MMP26: variants seen among roughly 807,000 people sequenced by gnomAD.
MMP26 encodes the protein matrix metallopeptidase 26, also known as matrix metalloproteinase-26.
MMP26 carries 33 observed loss-of-function variants against 31.0 expected under a neutral mutation model. The observed-to-expected ratio is 1.06, with a 90% confidence interval of 0.81 to 1.42. The LOEUF (loss-of-function observed/expected upper bound fraction) is 1.42. MMP26 is among the 40% of genes most tolerant of loss of function. The pLI is 0.00. For missense variants in MMP26, 347 were observed against 316.1 expected, an observed-to-expected ratio of 1.10 and a Z score of -0.74; for synonymous variants, 122 against 114.9, an observed-to-expected ratio of 1.06 and a Z score of -0.40.
At chr11:4,897,416 GC>G (rs146624165) in intron 2 of MMP26, among the ~76,000 whole-genome samples, 20,652 of 152,180 alleles carry the variant, frequency 0.14, 1,579 homozygotes, top group Middle Eastern at 0.26. Context: ...GGGATTACAG[GC>G]ATAAGCCATC....
chr11:4,961,263 G>A (rs564075088), intron 2 of MMP26, among the ~76,000 whole-genome samples: 3 of 152,154 alleles, frequency 2.0e-5, no homozygotes, highest in Admixed American at 6.5e-5. Flanking sequence ...TTAAATTTCC[G>A]ATGTCCAAGG....
chr11:4,976,957 C>T (rs370548563), intron 2 of MMP26, among the ~76,000 whole-genome samples: 1 of 152,012 alleles, frequency 6.6e-6, no homozygotes, highest in South Asian at 2.1e-4. Context: ...CTTATACATG[C>T]AATTTTTATC....
chr11:4,889,073 C>T lies in MMP26; in HGVS notation c.-144-98995C>T, dbSNP rs1406274291. Among the ~76,000 whole-genome samples, 3 of 152,116 alleles carry T rather than the reference C, an allele frequency of 2.0e-5. No homozygotes were observed. The East Asian group carries it at 5.8e-4, about 29-fold the overall frequency. On this transcript the variant is annotated intron_variant, in intron 2 of 7. Coordinates refer to ENST00000380390, the MANE Select transcript of MMP26 (RefSeq NM_021801.5). Reference sequence around the variant, plus strand: ...GATTTCCGTAACATTCTAAAACTGTCACATACACACTTATCAACATACATG... The same window carrying T: ...GATTTCCGTAACATTCTAAAACTGTTACATACACACTTATCAACATACATG...
intron 2 of MMP26, among the ~76,000 whole-genome samples, chr11:4,857,624 A>C (rs956158817): frequency 1.2e-4 from 18 of 152,316 alleles, no homozygotes; most frequent in African/African-American, 4.1e-4. Context: ...AGAGGGATTC[A>C]CAGCCGAATT....
intron 2 of MMP26, among the ~76,000 whole-genome samples, chr11:4,839,387 C>T (rs1314940598): frequency 1.3e-5 from 2 of 151,658 alleles, no homozygotes; most frequent in South Asian, 2.1e-4. Flanking sequence ...ATCATGCCTT[C>T]CCTAACCCCA....
chr11:4,868,119 A>G (rs1195382988), intron 2 of MMP26, among the ~76,000 whole-genome samples: 2 of 152,160 alleles, frequency 1.3e-5, no homozygotes, highest in Non-Finnish European at 2.9e-5. Flanking sequence ...GGAGGACATT[A>G]TCCTCAGCAA....
At chr11:4,707,762 G>A (rs1011014305) in intron 1 of MMP26, among the ~76,000 whole-genome samples, 1 of 152,146 alleles carries the variant, frequency 6.6e-6, no homozygotes, top group African/African-American at 2.4e-5. Context: ...TTAAGCACTG[G>A]GGTTTATCAC....
At chr11:4,858,709 T>C (rs1281109748) in intron 2 of MMP26, among the ~76,000 whole-genome samples, 1 of 152,118 alleles carries the variant, frequency 6.6e-6, no homozygotes, top group African/African-American at 2.4e-5. Flanking sequence ...CTTCACAAAA[T>C]TGGAAAAAAC....
chr11:4,926,163 AAAT>A (rs1380662532), intron 2 of MMP26, among the ~76,000 whole-genome samples: 4 of 142,688 alleles, frequency 2.8e-5, no homozygotes, highest in Non-Finnish European at 6.3e-5. Flanking sequence ...AATAACAATA[AAAT>A]AATAACAATT....
At chr11:4,848,698 G>A in intron 2 of MMP26, 2 of 1,614,102 alleles carry the variant, frequency 1.2e-6, no homozygotes, top group Non-Finnish European at 1.7e-6. Flanking sequence ...ATGTAGGCCA[G>A]CAGGAATGGC....
At chr11:4,724,097 GTAGGA>G in intron 1 of MMP26, 1 of 639,508 alleles carries the variant, frequency 1.6e-6, no homozygotes, top group Middle Eastern at 3.0e-4. Context: ...GTCCACTCGT[GTAGGA>G]GCGGCTGCTG....
chr11:4,810,102 G>C (rs1036969963), intron 2 of MMP26, among the ~76,000 whole-genome samples: 3 of 152,206 alleles, frequency 2.0e-5, no homozygotes, highest in Admixed American at 6.5e-5. Flanking sequence ...CTGGAGACTA[G>C]AGCTTGAAGC....
At chr11:4,729,412 A>T (rs1000048069) in intron 1 of MMP26, among the ~76,000 whole-genome samples, 2 of 152,126 alleles carry the variant, frequency 1.3e-5, no homozygotes, top group Non-Finnish European at 2.9e-5. Flanking sequence ...CAGAAGGTGG[A>T]AATGTGGAGA....
At chr11:4,780,964 A>T (rs896362940) in intron 2 of MMP26, among the ~76,000 whole-genome samples, 1 of 152,080 alleles carries the variant, frequency 6.6e-6, no homozygotes, top group Non-Finnish European at 1.5e-5. Flanking sequence ...ACTCAGCAAT[A>T]AAACTTGATG....
chr11:4,798,204 T>A (rs1849133716), intron 2 of MMP26, among the ~76,000 whole-genome samples: 2 of 151,930 alleles, frequency 1.3e-5, no homozygotes, highest in Admixed American at 1.3e-4. Context: ...GGGGATGGGG[T>A]GAAGGGAAGA....
intron 1 of MMP26, among the ~76,000 whole-genome samples, chr11:4,737,643 G>GAAACA (rs1848258903): frequency 6.7e-6 from 1 of 149,978 alleles, no homozygotes; most frequent in Non-Finnish European, 1.5e-5. Flanking sequence ...AACTCTGTCT[G>GAAACA]AAACAAAACA....
intron 2 of MMP26, among the ~76,000 whole-genome samples, chr11:4,785,720 A>G (rs1848934126): frequency 6.6e-6 from 1 of 152,216 alleles, no homozygotes; most frequent in South Asian, 2.1e-4. Context: ...AAACAGCCTC[A>G]TGAGGTGATA....
intron 2 of MMP26, among the ~76,000 whole-genome samples, chr11:4,929,921 A>G (rs941646038): frequency 2.8e-4 from 43 of 152,206 alleles, no homozygotes; most frequent in African/African-American, 9.6e-4. Context: ...GTATGAATGC[A>G]TATTTTGTTT....
At chr11:4,705,230 T>C (rs1395217896) in intron 1 of MMP26, among the ~76,000 whole-genome samples, 185 bp downstream of exon 1, 4 of 152,142 alleles carry the variant, frequency 2.6e-5, no homozygotes, top group Admixed American at 2.0e-4. Context: ...ATTCCAAATA[T>C]AGACTACAGT....
Sources: gnomAD v4.1 joint callset for allele counts (sites outside exome capture counted in the v4.1 genomes callset) on GRCh38, gnomAD v4.1.1 for gene constraint, MANE v1.5 for transcripts, NCBI Gene and HGNC (gene_info 2026-07-23, HGNC 2026-07-21) for gene names.